Variants in NT5M observed in about 807,000 individuals in gnomAD.
NT5M encodes the protein 5',3'-nucleotidase, mitochondrial, also known as 5'(3')-deoxyribonucleotidase, mitochondrial.
In NT5M, 22 loss-of-function variants were observed where a neutral mutation model predicts 22.2. The ratio of observed to expected loss-of-function variants is 0.99; its 90% CI spans 0.71 to 1.41. NT5M has a LOEUF of 1.41. NT5M is among the 40% of genes most tolerant of loss of function. NT5M has a pLI of 0.00. For missense variants in NT5M, 322 were observed against 314.8 expected (o/e 1.02, Z -0.17); for synonymous variants, 167 against 133.0 (o/e 1.26, Z -1.76).
Position 17,318,785 on chromosome 17 carries a change from CAAAAA to C in NT5M, c.369-4380_369-4376del, listed in dbSNP as rs61422345. Among the ~76,000 whole-genome samples, 9 of 40,254 alleles carry C rather than the reference CAAAAA, an allele frequency of 2.2e-4. No individual in the cohort carries two copies. The South Asian group carries it at 0.012, about 55-fold the overall frequency. 26.4% of individuals were successfully genotyped at this position (40,254 alleles called of 152,430 possible). A position where few individuals can be genotyped will look rare whatever the true frequency, so the allele number is the denominator to read the frequency against. ...GGGCAACAAGAGCAGAACTCCGTCT[CAAAAA>C]AAAAAAAAAAAAAAAAAAAGGAATG... is the stretch of plus-strand genomic sequence containing the variant. On this transcript the variant is annotated intron_variant, in intron 2 of 4. Transcript: ENST00000389022.
At chr17:17,323,747 G>T (rs1156321710) in intron 3 of NT5M, among the ~76,000 whole-genome samples, 1 of 152,208 alleles carries the variant, frequency 6.6e-6, no homozygotes, top group African/African-American at 2.4e-5. Flanking sequence ...CCTCCCTGGG[G>T]ACGTTGGAGC....
intron 3 of NT5M, among the ~76,000 whole-genome samples, chr17:17,331,713 CT>C (rs1271180045): frequency 6.6e-6 from 1 of 151,472 alleles, no homozygotes; most frequent in African/African-American, 2.4e-5. Context: ...GTCATAATAC[CT>C]TTAAAGTGTC....
At chr17:17,326,368 C>G (rs1194194709) in intron 3 of NT5M, among the ~76,000 whole-genome samples, 1 of 152,162 alleles carries the variant, frequency 6.6e-6, no homozygotes, top group Non-Finnish European at 1.5e-5. Flanking sequence ...CTGGAGGTAG[C>G]CTGCATTCAC....
At chr17:17,308,686 C>T (rs1018300671) in intron 2 of NT5M, among the ~76,000 whole-genome samples, 2 of 152,204 alleles carry the variant, frequency 1.3e-5, no homozygotes, top group African/African-American at 4.8e-5. Context: ...CAACCATCAT[C>T]ATATCCGCTT....
At chr17:17,324,033 A>C (rs1567890316) in intron 3 of NT5M, among the ~76,000 whole-genome samples, 1 of 151,932 alleles carries the variant, frequency 6.6e-6, no homozygotes, top group African/African-American at 2.4e-5. Flanking sequence ...CACCACATCC[A>C]GGTAATTTTT....
chr17:17,309,675 C>CTTTTT (rs34209605), intron 2 of NT5M, among the ~76,000 whole-genome samples: 3 of 121,000 alleles, frequency 2.5e-5, no homozygotes, highest in African/African-American at 6.1e-5. Context: ...GCTCAAGCAT[C>CTTTTT]TTTTTTTTTT....
intron 3 of NT5M, among the ~76,000 whole-genome samples, chr17:17,342,976 G>A (rs1442302685): frequency 6.6e-6 from 1 of 152,228 alleles, no homozygotes; most frequent in Admixed American, 6.5e-5. Context: ...GAATGTTGCC[G>A]TGAGGCTTAG....
At chr17:17,345,645 A>C (rs1354916658) in intron 4 of NT5M, among the ~76,000 whole-genome samples, 1 of 150,340 alleles carries the variant, frequency 6.7e-6, no homozygotes, top group African/African-American at 2.4e-5. Flanking sequence ...AAAAAAAAAA[A>C]AAAAAACACA....
chr17:17,316,872 G>A (rs905377726), intron 2 of NT5M, among the ~76,000 whole-genome samples: 3 of 151,278 alleles, frequency 2.0e-5, no homozygotes, highest in East Asian at 2.0e-4. Context: ...ATGCTACCAC[G>A]CCTGGCTAAT....
At chr17:17,345,025 A>G (rs2142389029) in intron 4 of NT5M, 117 bp downstream of exon 4, 4 of 1,444,364 alleles carry the variant, frequency 2.8e-6, no homozygotes, top group Middle Eastern at 1.9e-4. Context: ...GCTGTTTGCC[A>G]GGCACTGAGC....
intron 2 of NT5M, among the ~76,000 whole-genome samples, chr17:17,307,255 G>T (rs563935336): frequency 2.8e-4 from 42 of 152,192 alleles, no homozygotes; most frequent in South Asian, 1.2e-3. Context: ...ACTGCAGGCC[G>T]CAGTGTTTCA....
chr17:17,307,662 C>T (rs2048833823), intron 2 of NT5M, among the ~76,000 whole-genome samples: 1 of 151,606 alleles, frequency 6.6e-6, no homozygotes, highest in Admixed American at 6.6e-5. Context: ...TTGAGACCAG[C>T]CTGCGTAGCA....
chr17:17,318,805 AAAAAG>A (rs1476936773), intron 2 of NT5M, among the ~76,000 whole-genome samples: 1 of 150,094 alleles, frequency 6.7e-6, no homozygotes, highest in Non-Finnish European at 1.5e-5. Flanking sequence ...AAAAAAAAAA[AAAAAG>A]GAATGACCTA....
At chr17:17,329,938 T>TACA (rs2049341581) in intron 3 of NT5M, among the ~76,000 whole-genome samples, 1 of 151,850 alleles carries the variant, frequency 6.6e-6, no homozygotes, top group African/African-American at 2.4e-5. Flanking sequence ...TGCCACTGCA[T>TACA]TACAGCCTTA....
intron 1 of NT5M, among the ~76,000 whole-genome samples, chr17:17,305,493 C>G (rs1452438785): frequency 6.7e-6 from 1 of 148,514 alleles, no homozygotes; most frequent in Non-Finnish European, 1.5e-5. Flanking sequence ...TTGGTCTTCA[C>G]AGTACCCTAT....
intron 3 of NT5M, among the ~76,000 whole-genome samples, chr17:17,342,267 C>T (rs1431202596): frequency 6.6e-6 from 1 of 152,112 alleles, no homozygotes; most frequent in African/African-American, 2.4e-5. Flanking sequence ...TTTGTTTTGC[C>T]GTTTATGTGA....
Position 17,313,933 on chromosome 17 carries a change from G to A in NT5M, c.368+7290G>A, listed in dbSNP as rs77261423. Among the ~76,000 whole-genome samples, 1,279 of 152,308 alleles carry A rather than the reference G, an allele frequency of 8.4e-3. 27 individuals are homozygous for A. Among genetic ancestry groups the A allele is most frequent in the African/African-American group, 0.029 (1,212 of 41,570 alleles). On this transcript the variant is annotated intron_variant, in intron 2 of 4. Coordinates refer to ENST00000389022, the MANE Select transcript of NT5M (RefSeq NM_020201.4). ...CTGCCCTGTTCCAGCAGCTCTGCGC[G>A]TGAGATAGGGCTTCCCTGGGCAGAG...
intron 2 of NT5M, among the ~76,000 whole-genome samples, chr17:17,321,016 A>G (rs1340099518): frequency 6.6e-6 from 1 of 150,708 alleles, no homozygotes; most frequent in African/African-American, 2.4e-5. Flanking sequence ...TGGGGTCGGT[A>G]GGTGGAGGCA....
chr17:17,306,594 C>A lies in NT5M; in HGVS notation c.319C>A (p.Pro107Thr). The change falls in exon 2 of 5, where the codon CCT becomes ACT. Residue 107 changes from proline to threonine, a missense_variant. Coordinates refer to ENST00000389022, the MANE Select transcript of NT5M (RefSeq NM_020201.4). ...ESKNFFFELE[P>T]LPGAVEAVKE... ...AAAGAATTTCTTTTTTGAACTTGAG[C>A]CTCTGCCAGGGGCCGTGGAAGCTGT... is the stretch of plus-strand genomic sequence containing the variant. 2 of 1,614,004 alleles carry A rather than the reference C, an allele frequency of 1.2e-6. No individual in the cohort carries two copies. Among genetic ancestry groups the A allele is most frequent in the Non-Finnish European group, 1.7e-6 (2 of 1,179,984 alleles).
Sources: allele counts gnomAD v4.1 joint callset (sites outside exome capture counted in the v4.1 genomes callset), GRCh38; gene constraint gnomAD v4.1.1; transcripts MANE v1.5; gene names NCBI Gene and HGNC (gene_info 2026-07-23, HGNC 2026-07-21).